MGAT3: variants seen among roughly 807,000 people sequenced by gnomAD.
MGAT3 encodes the protein beta-1,4-mannosyl-glycoprotein 4-beta-N-acetylglucosaminyltransferase.
Under a neutral mutation model 29.8 loss-of-function variants are expected in MGAT3, and 9 were observed. The observed-to-expected ratio is 0.30, with a 90% CI of 0.18 to 0.53. The LOEUF is 0.53. MGAT3 is among the 20% of genes least tolerant of loss of function. The pLI is 0.96. For synonymous variants in MGAT3, 397 were observed against 348.9 expected, an observed-to-expected ratio of 1.14 and a Z score of -1.54; for missense variants, 557 against 769.5, an observed-to-expected ratio of 0.72 and a Z score of 3.27.
At chr22:39,481,490 A>T (rs1283348398) in intron 1 of MGAT3, among the ~76,000 whole-genome samples, 1 of 152,108 alleles carries the variant, frequency 6.6e-6, no homozygotes, top group Non-Finnish European at 1.5e-5. Flanking sequence ...CTGTCTCCCC[A>T]TGTTCCCAGT....
intron 1 of MGAT3, among the ~76,000 whole-genome samples, chr22:39,464,592 C>G (rs1334577599): frequency 1.3e-5 from 2 of 151,650 alleles, no homozygotes; most frequent in African/African-American, 2.4e-5. Flanking sequence ...AGACGCCCAC[C>G]ACCACACCCA....
chr22:39,468,987 G>A (rs1928731825), intron 1 of MGAT3, among the ~76,000 whole-genome samples: 1 of 152,006 alleles, frequency 6.6e-6, no homozygotes, highest in South Asian at 2.1e-4. Context: ...CATCAGATGT[G>A]GCTTTCGCTT....
At chr22:39,459,321 A>C (rs543183859) in intron 1 of MGAT3, among the ~76,000 whole-genome samples, 1 of 151,736 alleles carries the variant, frequency 6.6e-6, no homozygotes, top group East Asian at 2.0e-4. Flanking sequence ...TGATCCACCC[A>C]CCTTGGCCTC....
At chr22:39,474,182 C>T (rs938269910) in intron 1 of MGAT3, among the ~76,000 whole-genome samples, 1 of 152,084 alleles carries the variant, frequency 6.6e-6, no homozygotes, top group Non-Finnish European at 1.5e-5. Context: ...AGTGTGCCAC[C>T]GGGGTGCTCA....
chr22:39,459,083 T>TTCTTTTCTTTTCTTTTCTTTTCTTTTC (rs1568997696), intron 1 of MGAT3, among the ~76,000 whole-genome samples: 8 of 146,932 alleles, frequency 5.4e-5, no homozygotes, highest in African/African-American at 2.0e-4. Flanking sequence ...TTTTTTTTTT[T>TTCTTTTCTTTTCTTTTCTTTTCTTTTC]TTTTTTTTGA....
chr22:39,489,092 T>C lies in MGAT3; in HGVS notation c.*143T>C. On this transcript the variant is annotated 3_prime_UTR_variant, in exon 2 of 2. Transcript: ENST00000341184. ...GGGGGTGGGGGTAGGGTTTCCCTAC[T>C]GAAGCCCTTGTGAATCAAGGGTCAG... The C allele has an allele frequency of 9.1e-7, 1 of 1,099,488 alleles. No homozygotes were observed. The highest frequency in any genetic ancestry group is 1.3e-6 in the Non-Finnish European group (1 of 779,870). 68.1% of individuals were successfully genotyped at this position (1,099,488 alleles called of 1,614,324 possible).
Position 39,490,835 on chromosome 22 carries a change from C to T in MGAT3, c.*1886C>T, listed in dbSNP as rs896191816. Reference sequence around the variant, plus strand: ...AAGAGGCCAGGCCCAGGCCTGGCCTCTTCCTCGGGCCTGTGGCCACACCTC... The same window carrying T: ...AAGAGGCCAGGCCCAGGCCTGGCCTTTTCCTCGGGCCTGTGGCCACACCTC... On this transcript the variant is annotated 3_prime_UTR_variant, in exon 2 of 2. Coordinates refer to ENST00000341184, the MANE Select transcript of MGAT3 (RefSeq NM_002409.5). 2.4e-5 allele frequency: 4 copies of T among 166,524 alleles called. No individual in the cohort carries two copies. The highest frequency in any genetic ancestry group is 7.3e-5 in the African/African-American group (3 of 41,332). 10.3% of individuals were successfully genotyped at this position (166,524 alleles called of 1,614,324 possible). A position where few individuals can be genotyped will look rare whatever the true frequency, so the allele number is the denominator to read the frequency against.
At chr22:39,471,703 G>T (rs969906289) in intron 1 of MGAT3, among the ~76,000 whole-genome samples, 2 of 152,154 alleles carry the variant, frequency 1.3e-5, no homozygotes, top group African/African-American at 4.8e-5. Flanking sequence ...GGGCCTTTCG[G>T]CAGCCCTCCA....
chr22:39,487,650 C>G lies in MGAT3; in HGVS notation c.303C>G (p.Pro101=). Residue 101 remains proline, a synonymous_variant, in exon 2 of 2, where the codon CCC becomes CCG. Transcript: ENST00000341184. This position sits in a 1 kb window ranked among gnomAD's most constrained non-coding sequence, Gnocchi z 5.7. ...EELHRVDLVL[P]EDTTEYFVRT... is the part of the protein sequence containing the mutation. ...TCCACCGGGTGGACTTGGTGCTGCC[C>G]GAGGACACCACCGAGTATTTCGTGC... is the stretch of plus-strand genomic sequence containing the variant. 6.2e-7 allele frequency: 1 copy of G among 1,610,576 alleles called. No homozygotes were observed. Among genetic ancestry groups the G allele is most frequent in the Non-Finnish European group, 8.5e-7 (1 of 1,178,746 alleles).
Position 39,461,042 on chromosome 22 carries a change from C to T in MGAT3, c.-2+3485C>T, listed in dbSNP as rs534074080. 4.6e-5 allele frequency among the ~76,000 whole-genome samples: 7 copies of T among 152,192 alleles called. 1 individual carries two copies. The highest frequency in any genetic ancestry group is 4.6e-4 in the Admixed American group (7 of 15,288). ...GCCTTTCCAGATCCATTGCTCCAAC[C>T]GGGGGCAATAGTAGGCTGGCAACTG... On this transcript the variant is annotated intron_variant, in intron 1 of 1. Transcript: ENST00000341184.
intron 1 of MGAT3, among the ~76,000 whole-genome samples, chr22:39,486,613 A>T (rs1283774550): frequency 6.6e-6 from 1 of 152,054 alleles, no homozygotes; most frequent in Non-Finnish European, 1.5e-5. Context: ...TGATCCTCCC[A>T]CCTCAGCCTC....
At position 39,487,360 on chromosome 22, in the gene MGAT3, C is replaced by A. The variant is rs1023137384; in HGVS notation, c.13C>A (p.Arg5Ser). 1.2e-5 allele frequency: 19 copies of A among 1,612,132 alleles called. No homozygotes were observed. The highest frequency in any genetic ancestry group is 8.5e-7 in the Non-Finnish European group (1 of 1,179,522). ...TCTCTCCCGCAGGATGAAGATGAGA[C>A]GCTACAAGCTCTTTCTCATGTTCTG... is the stretch of plus-strand genomic sequence containing the variant. MKMRRYKLFLMFCMA... is the reference protein window; with the variant it reads MKMRSYKLFLMFCMA... Residue 5 changes from arginine to serine, a missense_variant, in exon 2 of 2, where the codon CGC becomes AGC. Coordinates refer to ENST00000341184, the MANE Select transcript of MGAT3 (RefSeq NM_002409.5). This position sits in a 1 kb window ranked among gnomAD's most constrained non-coding sequence, Gnocchi z 5.7.
Position 39,489,435 on chromosome 22 carries a change from G to A in MGAT3, c.*486G>A, listed in dbSNP as rs973829895. On this transcript the variant is annotated 3_prime_UTR_variant, in exon 2 of 2. Transcript: ENST00000341184. ...TAGATGCATTTGGGTCCAGGAGGAA[G>A]CGTGGACACCTCGTAGGGAAGAGAT... The A allele has an allele frequency of 2.2e-5, 4 of 185,644 alleles. No individual in the cohort carries two copies. The highest frequency in any genetic ancestry group is 9.6e-5 in the African/African-American group (4 of 41,772). 11.5% of individuals were successfully genotyped at this position (185,644 alleles called of 1,614,324 possible). A position where few individuals can be genotyped will look rare whatever the true frequency, so the allele number is the denominator to read the frequency against.
Position 39,485,895 on chromosome 22 carries a change from G to A in MGAT3, c.-1-1452G>A, listed in dbSNP as rs138209436. Among the ~76,000 whole-genome samples, 429 of 152,290 alleles carry A rather than the reference G, an allele frequency of 2.8e-3. 1 individual carries two copies. The highest frequency in any genetic ancestry group is 4.7e-3 in the Non-Finnish European group (319 of 68,026). ...CATAAACTGATTGATAAATTAAACTGTATAAATGAATAGCAAATGGTTACA... is the reference window on the plus strand; with the variant it reads ...CATAAACTGATTGATAAATTAAACTATATAAATGAATAGCAAATGGTTACA... On this transcript the variant is annotated intron_variant, in intron 1 of 1. Coordinates refer to ENST00000341184, the MANE Select transcript of MGAT3 (RefSeq NM_002409.5).
chr22:39,471,601 G>A (rs1169081300), intron 1 of MGAT3, among the ~76,000 whole-genome samples: 1 of 151,488 alleles, frequency 6.6e-6, no homozygotes, highest in Non-Finnish European at 1.5e-5. Flanking sequence ...GTCCTTGCCG[G>A]CCTTCCTCTG....
Position 39,489,308 on chromosome 22 carries a change from T to G in MGAT3, c.*359T>G. On this transcript the variant is annotated 3_prime_UTR_variant, in exon 2 of 2. Coordinates refer to ENST00000341184, the MANE Select transcript of MGAT3 (RefSeq NM_002409.5). ...CTGCAGGATCTCACCAGGCAGCCTC[T>G]GGGGGGTGGCCAGGCCGGGAAAAAG... 1.1e-5 allele frequency: 3 copies of G among 284,290 alleles called. No individual in the cohort carries two copies. Among genetic ancestry groups the G allele is most frequent in the Middle Eastern group, 1.1e-3 (1 of 888 alleles). 17.6% of individuals were successfully genotyped at this position (284,290 alleles called of 1,614,324 possible). A position where few individuals can be genotyped will look rare whatever the true frequency, so the allele number is the denominator to read the frequency against.
rs149298312 is a variant in MGAT3, at chr22:39,467,346, G to A, written c.-2+9789G>A. Among the ~76,000 whole-genome samples the A allele has an allele frequency of 7.4e-3, 1,125 of 152,314 alleles. 13 individuals are homozygous for A. Among genetic ancestry groups the A allele is most frequent in the African/African-American group, 0.026 (1,094 of 41,566 alleles). ...GAGAGATGGGAAAGGGGTGGGGAAG[G>A]GAATTTCTGCCTGGCTGGGGTGTGC... On this transcript the variant is annotated intron_variant, in intron 1 of 1. Coordinates refer to ENST00000341184, the MANE Select transcript of MGAT3 (RefSeq NM_002409.5).
intron 1 of MGAT3, chr22:39,477,796 G>A (rs1038139429): frequency 6.6e-6 from 1 of 152,264 alleles, no homozygotes; most frequent in African/African-American, 2.4e-5. Context: ...TAACAGTGGA[G>A]CCGGCGTGTC....
chr22:39,487,280 AGGTCCCCTTCCTAGGAAAGGAGCCT>A lies in MGAT3; in HGVS notation c.-1-64_-1-40del. On this transcript the variant is annotated intron_variant, in intron 1 of 1. Coordinates refer to ENST00000341184, the MANE Select transcript of MGAT3 (RefSeq NM_002409.5). This position sits in a 1 kb window ranked among gnomAD's most constrained non-coding sequence, Gnocchi z 5.7. ...AGCAAGGTGGCAGCAGAGGCCTCCTAGGTCCCCTTCCTAGGAAAGGAGCCTGGGCTGCCCTGATGAGTCTCCTGTC... is the reference window on the plus strand; with the variant it reads ...AGCAAGGTGGCAGCAGAGGCCTCCTAGGGCTGCCCTGATGAGTCTCCTGTC... 1 of 1,513,130 alleles carries A rather than the reference AGGTCCCCTTCCTAGGAAAGGAGCCT, an allele frequency of 6.6e-7. No individual in the cohort carries two copies. Among genetic ancestry groups the A allele is most frequent in the Non-Finnish European group, 8.9e-7 (1 of 1,124,290 alleles). The allele number at this position is 1,513,130 out of a possible 1,614,324, so 93.7% of individuals were successfully genotyped here. A position where few individuals can be genotyped will look rare whatever the true frequency, so the allele number is the denominator to read the frequency against.
Sources: gnomAD v4.1 joint callset for allele counts (sites outside exome capture counted in the v4.1 genomes callset) on GRCh38, gnomAD v4.1.1 for gene constraint, Gnocchi (gnomAD v3.1) non-coding constraint, MANE v1.5 for transcripts, NCBI Gene and HGNC (gene_info 2026-07-23, HGNC 2026-07-21) for gene names.